Variants in LARP1B observed in about 807,000 individuals in gnomAD.
The protein encoded by LARP1B is la-related protein 1B.
A neutral mutation model predicts 114.2 loss-of-function variants in LARP1B; 76 were observed. The ratio of observed to expected loss-of-function variants is 0.67; its 90% CI spans 0.55 to 0.81. The LOEUF is 0.81. Ranked by LOEUF, LARP1B falls within the 30% of genes least tolerant of loss-of-function variation. The pLI, the probability that LARP1B is intolerant of heterozygous loss-of-function variation, is 0.00. For missense variants in LARP1B, 1,014 were observed against 1,075.8 expected (o/e 0.94, Z 0.80); for synonymous variants, 345 against 348.0 (o/e 0.99, Z 0.10).
intron 11 of LARP1B, among the ~76,000 whole-genome samples, chr4:128,144,352 G>A (rs1729397723): frequency 6.6e-6 from 1 of 152,060 alleles, no homozygotes; most frequent in Non-Finnish European, 1.5e-5. Flanking sequence ...TGAAACTTTT[G>A]AATTAGTAAT....
intron 7 of LARP1B, chr4:128,093,029 A>G (rs1198234925): frequency 3.0e-6 from 3 of 985,230 alleles, no homozygotes; most frequent in Non-Finnish European, 3.6e-6. Flanking sequence ...CAGAGCCTCT[A>G]AGGTAGGACT....
At chr4:128,158,794 A>G (rs1737003249) in intron 11 of LARP1B, among the ~76,000 whole-genome samples, 1 of 152,178 alleles carries the variant, frequency 6.6e-6, no homozygotes, top group Admixed American at 6.5e-5. Flanking sequence ...GAAGTTGCAA[A>G]AAGTGTACAG....
chr4:128,212,916 T>C (rs1759186754), downstream of LARP1B, among the ~76,000 whole-genome samples: 1 of 141,860 alleles, frequency 7.0e-6, no homozygotes, highest in Admixed American at 7.1e-5. Context: ...CTCTCTCTTT[T>C]TTTTTTTTTT....
intron 1 of LARP1B, among the ~76,000 whole-genome samples, chr4:128,073,574 T>TTTTG (rs1766423080): frequency 7.9e-5 from 1 of 12,596 alleles, no homozygotes; most frequent in Non-Finnish European, 1.6e-4. Context: ...TTGTTGTCGT[T>TTTTG]TTTTTTTTTT....
chr4:128,091,631 CTG>C (rs1775950442), intron 7 of LARP1B, 119 bp downstream of exon 7: 1 of 715,270 alleles, frequency 1.4e-6, no homozygotes, highest in African/African-American at 1.9e-5. Context: ...GAGTCTCACT[CTG>C]TTGCCCAGGC....
At chr4:128,136,384 A>G (rs1188013628) in intron 11 of LARP1B, among the ~76,000 whole-genome samples, 1 of 152,152 alleles carries the variant, frequency 6.6e-6, no homozygotes, top group African/African-American at 2.4e-5. Flanking sequence ...AGCAGATGGA[A>G]GACTTACAAA....
chr4:128,107,287 C>G lies in LARP1B; in HGVS notation c.962C>G (p.Pro321Arg). Residue 321 changes from proline to arginine, a missense_variant, in exon 9 of 20, where the codon CCA (proline) becomes CGA (arginine). Pro to Arg is a moderately radical substitution (Grantham distance 103). Coordinates refer to ENST00000326639, the MANE Select transcript of LARP1B (RefSeq NM_018078.4). Reference sequence around the variant, plus strand: ...CTGATTGATTGTCCAGAGTTTGTACCAGGCCAAGCCTTTTGCTCACATACA... The same window carrying G: ...CTGATTGATTGTCCAGAGTTTGTACGAGGCCAAGCCTTTTGCTCACATACA... ...SQLIDCPEFVPGQAFCSHTES... is the reference protein window; with the variant it reads ...SQLIDCPEFVRGQAFCSHTES... The G allele has an allele frequency of 6.2e-7, 1 of 1,614,150 alleles. No homozygotes were observed. The highest frequency in any genetic ancestry group is 8.5e-7 in the Non-Finnish European group (1 of 1,180,014).
intron 11 of LARP1B, among the ~76,000 whole-genome samples, chr4:128,135,266 C>G (rs1792999430): frequency 6.6e-6 from 1 of 152,022 alleles, no homozygotes; most frequent in African/African-American, 2.4e-5. Context: ...AAAAAACACA[C>G]AGAAAATAGT....
chr4:128,194,543 C>T (rs1300078947), intron 15 of LARP1B, among the ~76,000 whole-genome samples: 1 of 151,660 alleles, frequency 6.6e-6, no homozygotes, highest in Admixed American at 6.6e-5. Flanking sequence ...ATTAGCCGGG[C>T]ATGGTGGCGG....
intron 11 of LARP1B, among the ~76,000 whole-genome samples, chr4:128,135,097 CAAAATAAAT>C: frequency 9.1e-6 from 1 of 110,118 alleles, no homozygotes; most frequent in Admixed American, 9.8e-5. Context: ...GACTTCATCT[CAAAATAAAT>C]AAATAAATAA....
intron 11 of LARP1B, among the ~76,000 whole-genome samples, chr4:128,145,557 C>A (rs759975549): frequency 1.4e-4 from 22 of 152,150 alleles, no homozygotes; most frequent in Non-Finnish European, 2.6e-4. Flanking sequence ...GGACTTATTG[C>A]CCCCCTCTTC....
intron 9 of LARP1B, among the ~76,000 whole-genome samples, chr4:128,112,791 C>G (rs1784564188): frequency 6.6e-6 from 1 of 152,028 alleles, no homozygotes. Flanking sequence ...CTGTATTGAA[C>G]AGCACAGTTC....
At chr4:128,159,424 C>T (rs1389583940) in intron 11 of LARP1B, among the ~76,000 whole-genome samples, 2 of 152,136 alleles carry the variant, frequency 1.3e-5, no homozygotes, top group Non-Finnish European at 2.9e-5. Flanking sequence ...AACCACTAAT[C>T]TGTTCTTCAT....
At chr4:128,130,134 CTTGAGACCACGAGT>C (rs980141056) in intron 11 of LARP1B, among the ~76,000 whole-genome samples, 3 of 152,090 alleles carry the variant, frequency 2.0e-5, no homozygotes. Flanking sequence ...GGGAGGATTG[CTTGAGACCACGAGT>C]TTGAGACCAG....
chr4:128,155,684 A>C, intron 11 of LARP1B: 1 of 1,605,302 alleles, frequency 6.2e-7, no homozygotes, highest in Non-Finnish European at 8.5e-7. Context: ...CCTTGTGAAC[A>C]GATCAGCCCG....
chr4:128,181,580 T>C (rs1018052495), intron 15 of LARP1B, among the ~76,000 whole-genome samples: 9 of 152,284 alleles, frequency 5.9e-5, no homozygotes, highest in Admixed American at 3.3e-4. Context: ...TTATTAGTTA[T>C]GTCTCTTTTT....
intron 5 of LARP1B, among the ~76,000 whole-genome samples, chr4:128,084,432 G>A (rs931646506): frequency 6.6e-6 from 1 of 152,250 alleles, no homozygotes; most frequent in East Asian, 1.9e-4. Context: ...AGACCAGCCC[G>A]GCCAGCACAG....
chr4:128,075,647 A>G (rs1453897266), intron 3 of LARP1B, among the ~76,000 whole-genome samples: 2 of 151,514 alleles, frequency 1.3e-5, no homozygotes, highest in African/African-American at 2.4e-5. Context: ...TTCCAGGCTC[A>G]GGTGATCCTC....
intron 3 of LARP1B, among the ~76,000 whole-genome samples, chr4:128,076,508 T>C (rs1451901728): frequency 6.6e-6 from 1 of 152,236 alleles, no homozygotes; most frequent in African/African-American, 2.4e-5. Flanking sequence ...CATTCACCTA[T>C]TGTTAATGGA....
Sources: gnomAD v4.1 joint callset for allele counts (sites outside exome capture counted in the v4.1 genomes callset) on GRCh38, gnomAD v4.1.1 for gene constraint, MANE v1.5 for transcripts, NCBI Gene and HGNC (gene_info 2026-07-23, HGNC 2026-07-21) for gene names.